The following LDB2 variants were observed in gnomAD, a reference collection of about 807,000 sequenced individuals.
The protein encoded by LDB2 is LIM domain binding 2.
In LDB2, 12 loss-of-function variants were observed where a neutral mutation model predicts 44.3. That is an observed-to-expected ratio of 0.27 (90% CI 0.17 to 0.44). LDB2 has a LOEUF of 0.44. Ranked by LOEUF, LDB2 falls within the 20% of genes least tolerant of loss-of-function variation. The probability of loss-of-function intolerance (pLI) is 1.00; values close to 1 mark genes in which losing one functional copy is unlikely to be tolerated. For synonymous variants in LDB2, 164 were observed against 174.8 expected, an observed-to-expected ratio of 0.94 and a Z score of 0.49; for missense variants, 344 against 473.5, an observed-to-expected ratio of 0.73 and a Z score of 2.54.
intron 2 of LDB2, among the ~76,000 whole-genome samples, chr4:16,739,997 G>C (rs1373323907): frequency 6.6e-6 from 1 of 151,430 alleles, no homozygotes; most frequent in Non-Finnish European, 1.5e-5. Flanking sequence ...CAACATAAAA[G>C]TATCTGTTCA....
At chr4:16,749,859 G>C (rs897572218) in intron 2 of LDB2, among the ~76,000 whole-genome samples, 6 of 152,110 alleles carry the variant, frequency 3.9e-5, no homozygotes, top group African/African-American at 1.4e-4. Context: ...CATTGTGGTA[G>C]AGCGTTTTCT....
intron 1 of LDB2, among the ~76,000 whole-genome samples, chr4:16,891,045 C>T (rs1723208687): frequency 6.6e-6 from 1 of 151,906 alleles, no homozygotes; most frequent in African/African-American, 2.4e-5. Context: ...AATACTATAC[C>T]CAATTTGAAT....
At chr4:16,753,267 A>G (rs1765835012) in intron 2 of LDB2, among the ~76,000 whole-genome samples, 1 of 152,204 alleles carries the variant, frequency 6.6e-6, no homozygotes, top group African/African-American at 2.4e-5. Flanking sequence ...GCACAGTACA[A>G]ATATAGCTGG....
intron 2 of LDB2, among the ~76,000 whole-genome samples, chr4:16,731,045 CA>C: frequency 6.6e-6 from 1 of 152,222 alleles, no homozygotes; most frequent in Non-Finnish European, 1.5e-5. Flanking sequence ...ACAGAAAAAG[CA>C]GGAAGAAAAC....
At chr4:16,739,895 G>T (rs975510958) in intron 2 of LDB2, among the ~76,000 whole-genome samples, 1 of 149,676 alleles carries the variant, frequency 6.7e-6, no homozygotes, top group Non-Finnish European at 1.5e-5. Flanking sequence ...ATAAAATAAA[G>T]GTACCAAGTA....
In LDB2 at chr4:16,826,850, A is replaced by G. The variant is rs375041405; in HGVS notation, c.133-67590T>C. 9.8e-5 allele frequency among the ~76,000 whole-genome samples: 15 copies of G among 152,324 alleles called. No individual in the cohort carries two copies. In the East Asian group the frequency reaches 1.9e-3, roughly 20 times the overall value. ...AAAGGAGAAAAAGAATTGAAAAGGTATATTAAATGCAAATGGAAGGAGCTT... is the reference window on the plus strand; with the variant it reads ...AAAGGAGAAAAAGAATTGAAAAGGTGTATTAAATGCAAATGGAAGGAGCTT... On this transcript the variant is annotated intron_variant, in intron 1 of 7. Coordinates refer to ENST00000304523, the MANE Select transcript of LDB2 (RefSeq NM_001290.5).
chr4:16,509,618 ATTAG>A (rs1010980865), intron 6 of LDB2, among the ~76,000 whole-genome samples: 12 of 152,206 alleles, frequency 7.9e-5, no homozygotes, highest in African/African-American at 2.2e-4. Flanking sequence ...AAAAAATCCT[ATTAG>A]TTAGGAACTA....
intron 3 of LDB2, 54 bp from the exon 4 acceptor site, chr4:16,588,886 T>G: frequency 6.2e-7 from 1 of 1,602,204 alleles, no homozygotes; most frequent in Non-Finnish European, 8.5e-7. Flanking sequence ...AAAGCCACAT[T>G]TTGTAACTCA....
intron 1 of LDB2, among the ~76,000 whole-genome samples, chr4:16,763,447 C>CACACACACA (rs1416494710): frequency 6.6e-6 from 1 of 150,846 alleles, no homozygotes; most frequent in East Asian, 2.0e-4. Context: ...CGTACACACA[C>CACACACACA]ACACACACAC....
chr4:16,588,701 A>G lies in LDB2; in HGVS notation c.531+9T>C, dbSNP rs780496128. On this transcript the variant is annotated intron_variant, in intron 4 of 7. Transcript: ENST00000304523. Reference sequence around the variant, plus strand: ...GAAAAGAAAGCAAAACAGAAATTAAATTACTTACATGCATGGCTAGGATGC... The same window carrying G: ...GAAAAGAAAGCAAAACAGAAATTAAGTTACTTACATGCATGGCTAGGATGC... 3.5e-5 allele frequency: 56 copies of G among 1,609,492 alleles called. 1 individual carries two copies. The highest frequency in any genetic ancestry group is 1.6e-4 in the Middle Eastern group (1 of 6,062).
At chr4:16,674,186 A>G (rs1304774490) in intron 2 of LDB2, 2 of 1,213,314 alleles carry the variant, frequency 1.6e-6, no homozygotes, top group Non-Finnish European at 2.2e-6. Context: ...TTAGAAATAG[A>G]TTAAATGAGG....
chr4:16,591,000 C>A (rs1249965389), intron 3 of LDB2, among the ~76,000 whole-genome samples: 1 of 152,190 alleles, frequency 6.6e-6, no homozygotes, highest in Non-Finnish European at 1.5e-5. Flanking sequence ...CCTGTGGTGA[C>A]AGCTTTCACA....
rs1335009601 is a variant in LDB2, at chr4:16,739,721, T to C, written c.235+19437A>G. Among the ~76,000 whole-genome samples the C allele has an allele frequency of 8.2e-5, 10 of 121,554 alleles. 1 individual carries two copies. Among genetic ancestry groups the C allele is most frequent in the Admixed American group, 1.8e-4 (2 of 10,998 alleles). 79.7% of individuals were successfully genotyped at this position (121,554 alleles called of 152,430 possible). On this transcript the variant is annotated intron_variant, in intron 2 of 7. Transcript: ENST00000304523. ...ACATATATGTGTATATATGTATATA[T>C]ACATATATGTGTATATACATACATA... is the stretch of plus-strand genomic sequence containing the variant.
chr4:16,738,148 A>G (rs1169918668), intron 2 of LDB2, among the ~76,000 whole-genome samples: 1 of 152,220 alleles, frequency 6.6e-6, no homozygotes, highest in African/African-American at 2.4e-5. Flanking sequence ...AGAATATCCA[A>G]CCAAAGATAT....
intron 1 of LDB2, among the ~76,000 whole-genome samples, chr4:16,812,608 A>C (rs1048237879): frequency 3.7e-5 from 5 of 135,002 alleles, no homozygotes; most frequent in Non-Finnish European, 6.2e-5. Flanking sequence ...ATATATATAT[A>C]TATATATCTG....
intron 2 of LDB2, among the ~76,000 whole-genome samples, chr4:16,721,709 C>T (rs997604912): frequency 1.1e-4 from 17 of 152,094 alleles, no homozygotes; most frequent in Non-Finnish European, 2.5e-4. Flanking sequence ...CTGATCTGAT[C>T]CTAACCACAG....
At chr4:16,507,923 A>G (rs1442481303) in intron 7 of LDB2, among the ~76,000 whole-genome samples, 1 of 152,174 alleles carries the variant, frequency 6.6e-6, no homozygotes, top group African/African-American at 2.4e-5. Context: ...TCCCCTTCCT[A>G]ATGGTCTTTG....
chr4:16,599,714 C>G (rs549982110), intron 2 of LDB2, among the ~76,000 whole-genome samples: 1 of 152,308 alleles, frequency 6.6e-6, no homozygotes, highest in East Asian at 1.9e-4. Flanking sequence ...ATGGGACAGA[C>G]AGCCAGAACA....
chr4:16,621,550 ATTTAAT>A (rs1347375289), intron 2 of LDB2, among the ~76,000 whole-genome samples: 2 of 152,152 alleles, frequency 1.3e-5, no homozygotes, highest in African/African-American at 4.8e-5. Context: ...ATTTATTTTA[ATTTAAT>A]TTTACTTTTT....
Sources: gnomAD v4.1 joint callset for allele counts (sites outside exome capture counted in the v4.1 genomes callset) on GRCh38, gnomAD v4.1.1 for gene constraint, MANE v1.5 for transcripts, NCBI Gene and HGNC (gene_info 2026-07-23, HGNC 2026-07-21) for gene names.